ANHX: variants seen among roughly 807,000 people sequenced by gnomAD.
ANHX encodes the protein anomalous homeobox, also known as anomalous homeobox protein.
ANHX carries 20 observed loss-of-function variants against 38.9 expected under a neutral mutation model. The ratio of observed to expected loss-of-function variants is 0.51; its 90% confidence interval spans 0.36 to 0.75. ANHX has a LOEUF of 0.75. Ranked by LOEUF, ANHX falls within the 30% of genes least tolerant of loss-of-function variation. The pLI is 0.00. For missense variants in ANHX, 475 were observed against 493.1 expected (o/e 0.96, Z 0.35); for synonymous variants, 185 against 203.1 (o/e 0.91, Z 0.76).
At chr12:133,219,645 A>AGAGACC (rs1185686317) in intron 8 of ANHX, among the ~76,000 whole-genome samples, 1 of 152,186 alleles carries the variant, frequency 6.6e-6, no homozygotes, top group African/African-American at 2.4e-5. Context: ...TGGAGGAAAC[A>AGAGACC]GAGACCTCAA....
intron 3 of ANHX, among the ~76,000 whole-genome samples, chr12:133,230,628 T>C (rs998745416): frequency 1.1e-4 from 16 of 152,046 alleles, no homozygotes; most frequent in Non-Finnish European, 2.1e-4. Flanking sequence ...AATTAAAAAT[T>C]AGCTGGGCAT....
At chr12:133,219,150 A>G in intron 9 of ANHX, 133 bp downstream of exon 9, 1 of 1,033,736 alleles carries the variant, frequency 9.7e-7, no homozygotes, top group Non-Finnish European at 1.4e-6. Context: ...CCAGCCACAA[A>G]TCATCTTTGC....
chr12:133,230,525 C>T (rs1957255020), intron 3 of ANHX, among the ~76,000 whole-genome samples: 1 of 152,212 alleles, frequency 6.6e-6, no homozygotes, highest in Non-Finnish European at 1.5e-5. Flanking sequence ...ACAGCCCTTT[C>T]CTGACCAGTG....
intron 9 of ANHX, 48 bp from the exon 10 acceptor site, chr12:133,219,019 A>C: frequency 1.5e-5 from 22 of 1,480,150 alleles, no homozygotes; most frequent in Non-Finnish European, 1.9e-5. Context: ...TTCCAGGCTC[A>C]AGACCTGCCC....
In ANHX at chr12:133,218,915, G is replaced by A. The variant is rs1593950683; in HGVS notation, c.1422C>T (p.Leu474=). 4 of 1,533,018 alleles carry A rather than the reference G, an allele frequency of 2.6e-6. No individual in the cohort carries two copies. Among genetic ancestry groups the A allele is most frequent in the East Asian group, 4.9e-5 (2 of 40,786 alleles). 95.0% of individuals were successfully genotyped at this position (1,533,018 alleles called of 1,614,324 possible). The part of the protein sequence containing the change: ...SGDAFWGARM[L]LEFSGSSLG ...CCAGGCTGCTCCCTGAAAACTCAAG[G>A]AGCATCCTGGCTCCCCAGAAGGCAT... Residue 474 remains leucine (L), a synonymous_variant, in exon 10 of 10, where the codon CTC becomes CTT. Coordinates refer to ENST00000545940, the MANE Select transcript of ANHX (RefSeq NM_001372060.1).
chr12:133,233,117 C>T (rs1957308855), intron 2 of ANHX, among the ~76,000 whole-genome samples: 1 of 152,184 alleles, frequency 6.6e-6, no homozygotes, highest in African/African-American at 2.4e-5. Context: ...GGCCTTGGGA[C>T]AGGGAAACAT....
In ANHX at chr12:133,218,641, G is replaced by C. The variant is rs964305611; in HGVS notation, c.*244C>G. On this transcript the variant is annotated 3_prime_UTR_variant, in exon 10 of 10. Transcript: ENST00000545940. ...GATCCAGTGCTGCGTGAGTGGGACA[G>C]ACCCACCTTTGACTTCTGATCTCAC... 2.8e-6 allele frequency: 1 copy of C among 363,068 alleles called. No homozygotes were observed. Among genetic ancestry groups the C allele is most frequent in the African/African-American group, 2.1e-5 (1 of 47,798 alleles). The allele number at this position is 363,068 out of a possible 1,614,324, so 22.5% of individuals were successfully genotyped here.
chr12:133,232,970 G>T (rs564183653), intron 2 of ANHX, among the ~76,000 whole-genome samples: 23 of 134,800 alleles, frequency 1.7e-4, no homozygotes, highest in African/African-American at 9.1e-4. Flanking sequence ...AAGGGGTAAC[G>T]GGGGGGCAAT....
Position 133,218,724 on chromosome 12 carries a change from A to G in ANHX, c.*161T>C. On this transcript the variant is annotated 3_prime_UTR_variant, in exon 10 of 10. Coordinates refer to ENST00000545940, the MANE Select transcript of ANHX (RefSeq NM_001372060.1). ...GAATTGCTAACCAAACTATTCAAAC[A>G]TGGCAGTGGGAAAGAATCTCTGCTT... The G allele has an allele frequency of 2.0e-6, 1 of 496,102 alleles. No homozygotes were observed. Among genetic ancestry groups the G allele is most frequent in the East Asian group, 3.2e-5 (1 of 31,156 alleles). 30.7% of individuals were successfully genotyped at this position (496,102 alleles called of 1,614,324 possible).
chr12:133,222,031 G>T (rs1459958070), intron 7 of ANHX, among the ~76,000 whole-genome samples: 2 of 152,062 alleles, frequency 1.3e-5, no homozygotes, highest in Non-Finnish European at 2.9e-5. Context: ...GGCTCATGTG[G>T]TCCTCCTTCC....
At chr12:133,235,437 G>A in intron 1 of ANHX, 1 of 153,522 alleles carries the variant, frequency 6.5e-6, no homozygotes, top group Non-Finnish European at 1.4e-5. Flanking sequence ...AGGTGGCTCT[G>A]CTTGGCTTCC....
At chr12:133,227,772 A>C in intron 4 of ANHX, 52 bp downstream of exon 4, 1 of 1,530,018 alleles carries the variant, frequency 6.5e-7, no homozygotes, top group Non-Finnish European at 8.7e-7. Flanking sequence ...CTTGGGGGAC[A>C]GGGAGGCACC....
intron 5 of ANHX, 28 bp from the exon 6 acceptor site, chr12:133,226,466 C>G: frequency 6.6e-7 from 1 of 1,517,276 alleles, no homozygotes; most frequent in Non-Finnish European, 8.8e-7. Context: ...GGAGGGGAGA[C>G]TTAGTGAGGC....
At chr12:133,222,076 G>A (rs570435450) in intron 7 of ANHX, among the ~76,000 whole-genome samples, 29 of 152,280 alleles carry the variant, frequency 1.9e-4, no homozygotes, top group African/African-American at 7.0e-4. Context: ...CTGGTGCCCA[G>A]CTGCCCAGGG....
In ANHX at chr12:133,221,090, CA is replaced by C; in HGVS notation, c.1280+114del. On this transcript the variant is annotated intron_variant, in intron 8 of 9. Coordinates refer to ENST00000545940, the MANE Select transcript of ANHX (RefSeq NM_001372060.1). The surrounding 1 kb of genome is among the most constrained non-coding windows in gnomAD (Gnocchi z 4.1). ...GGGACTGTTACAGTTTTCAGCAATC[CA>C]AAGGAGAGGACCCTATCTGCACAGT... 2 of 1,340,310 alleles carry C rather than the reference CA, an allele frequency of 1.5e-6. No individual in the cohort carries two copies. The highest frequency in any genetic ancestry group is 2.0e-6 in the Non-Finnish European group (2 of 1,013,382). 83.0% of individuals were successfully genotyped at this position (1,340,310 alleles called of 1,614,324 possible). A position where few individuals can be genotyped will look rare whatever the true frequency, so the allele number is the denominator to read the frequency against.
chr12:133,226,877 G>A, intron 5 of ANHX, 59 bp downstream of exon 5: 1 of 1,430,882 alleles, frequency 7.0e-7, no homozygotes, highest in Non-Finnish European at 9.2e-7. Context: ...CCTAGGCCTG[G>A]CCCTTGTCAG....
intron 8 of ANHX, 111 bp from the exon 9 acceptor site, chr12:133,219,478 C>T: frequency 1.4e-6 from 1 of 690,710 alleles, no homozygotes; most frequent in Non-Finnish European, 2.4e-6. Context: ...GTACTTGACA[C>T]TCATCAGAAC....
At chr12:133,234,044 G>A (rs578023659) in intron 2 of ANHX, 64 bp downstream of exon 2, 2 of 1,503,228 alleles carry the variant, frequency 1.3e-6, no homozygotes, top group South Asian at 2.5e-5. Context: ...GCCGGAGATG[G>A]GTGGAGGCTG....
Position 133,226,329 on chromosome 12 carries a change from TG to T in ANHX, c.827del (p.Pro276HisfsTer43). The part of the protein sequence containing the change: ...DFPADETVSK[P>X]LDVRSLPGGE... ...GGAGATGACAGTACCTGACATCCAG[TG>T]GCTTTGAGACTGTCTCATCTGCGGG... On this transcript the variant is annotated frameshift_variant, in exon 6 of 10. Transcript: ENST00000545940. LOFTEE classifies it high-confidence loss of function. 6.5e-7 allele frequency: 1 copy of T among 1,536,226 alleles called. No individual in the cohort carries two copies. The highest frequency in any genetic ancestry group is 1.7e-4 in the Middle Eastern group (1 of 5,990).
Sources: allele counts gnomAD v4.1 joint callset (sites outside exome capture counted in the v4.1 genomes callset), GRCh38; gene constraint gnomAD v4.1.1; non-coding constraint Gnocchi (gnomAD v3.1); transcripts MANE v1.5; gene names NCBI Gene and HGNC (gene_info 2026-07-23, HGNC 2026-07-21).